STOX2: variants seen among roughly 807,000 people sequenced by gnomAD.
STOX2 encodes storkhead-box protein 2.
In STOX2, 28 loss-of-function variants were observed where a neutral mutation model predicts 60.9. The ratio of observed to expected loss-of-function variants is 0.46; its 90% CI spans 0.34 to 0.63. The LOEUF is 0.63. Ranked by LOEUF, STOX2 falls within the 30% of genes least tolerant of loss-of-function variation. The pLI is 0.01. For synonymous variants in STOX2, 472 were observed against 463.9 expected (o/e 1.02, Z -0.22); for missense variants, 1,024 against 1,187.7 (o/e 0.86, Z 2.03).
intron 1 of STOX2, among the ~76,000 whole-genome samples, chr4:183,930,651 C>T (rs1742396823): frequency 1.3e-5 from 2 of 152,164 alleles, no homozygotes; most frequent in Non-Finnish European, 1.5e-5. Context: ...AGCCATTGCT[C>T]TGGCCATAAC....
intron 1 of STOX2, among the ~76,000 whole-genome samples, chr4:183,878,700 C>T (rs1740885278): frequency 6.6e-6 from 1 of 152,200 alleles, no homozygotes; most frequent in African/African-American, 2.4e-5. Context: ...AGGACTCTGC[C>T]TTCTCAAAAG....
In STOX2 at chr4:183,800,846, G is replaced by A. The variant is rs531061971; in HGVS notation, c.364+2791G>A. ...GAAAGGAGAGGAACGGTTTTGCCCT[G>A]TCTCTTGACTTGGGTTCGCCTGGGT... On this transcript the variant is annotated intron_variant, in intron 1 of 2. Transcript: ENST00000513034. Among the ~76,000 whole-genome samples the A allele has an allele frequency of 3.3e-5, 5 of 152,342 alleles. No individual in the cohort carries two copies. The South Asian group carries it at 1.0e-3, about 32-fold the overall frequency.
intron 1 of STOX2, among the ~76,000 whole-genome samples, chr4:183,846,685 T>C (rs1739997966): frequency 6.6e-6 from 1 of 152,074 alleles, no homozygotes; most frequent in Non-Finnish European, 1.5e-5. Context: ...GCTTGTATAT[T>C]TTTTTCTTAA....
intron 1 of STOX2, among the ~76,000 whole-genome samples, chr4:183,802,036 G>T (rs1738775416): frequency 6.6e-6 from 1 of 152,188 alleles, no homozygotes; most frequent in South Asian, 2.1e-4. Flanking sequence ...CATTAGTCTG[G>T]TTGAGGCTGG....
At chr4:183,967,556 C>G (rs1247474943) in intron 1 of STOX2, among the ~76,000 whole-genome samples, 2 of 151,970 alleles carry the variant, frequency 1.3e-5, no homozygotes, top group East Asian at 3.9e-4. Context: ...CACTGGCCAC[C>G]CATGGGTGGT....
At position 184,001,321 on chromosome 4, in the gene STOX2, G is replaced by A; in HGVS notation, c.167-4G>A. 6 of 1,613,156 alleles carry A rather than the reference G, an allele frequency of 3.7e-6. No homozygotes were observed. Among genetic ancestry groups the A allele is most frequent in the Non-Finnish European group, 5.1e-6 (6 of 1,179,328 alleles). On this transcript the variant is annotated splice_region_variant and splice_polypyrimidine_tract_variant and intron_variant, in intron 1 of 3. Coordinates refer to ENST00000308497, the MANE Select transcript of STOX2 (RefSeq NM_020225.3). The surrounding 1 kb of genome is among the most constrained non-coding windows in gnomAD (Gnocchi z 4.2). ...CCACTCACTTGAAAATTGTCTTTCT[G>A]CAGGTGATGTATCACCCATCAGTAT...
At chr4:183,962,622 T>C (rs979036024) in intron 1 of STOX2, among the ~76,000 whole-genome samples, 2 of 152,200 alleles carry the variant, frequency 1.3e-5, no homozygotes, top group Admixed American at 6.5e-5. Flanking sequence ...TGACTTGTGA[T>C]TGATGTGAAG....
rs1733390133 is a variant in STOX2, at chr4:183,997,436, A to G, written c.167-3889A>G. On this transcript the variant is annotated intron_variant, in intron 1 of 3. Transcript: ENST00000308497. ...AGGCCACGTGGGCCCGTGTAGGCCT[A>G]CCAAGGAGTTCAGCTTCTCTTCTAA... Among the ~76,000 whole-genome samples, 3 of 152,356 alleles carry G rather than the reference A, an allele frequency of 2.0e-5. No homozygotes were observed. The Middle Eastern group carries it at 0.01, about 518-fold the overall frequency.
chr4:183,900,313 C>G (rs772198087), upstream of STOX2, among the ~76,000 whole-genome samples: 4 of 152,120 alleles, frequency 2.6e-5, no homozygotes, highest in Non-Finnish European at 5.9e-5. Flanking sequence ...TTTTGATTTT[C>G]AAGTCTCATT....
intron 1 of STOX2, among the ~76,000 whole-genome samples, chr4:183,935,092 C>T (rs144372013): frequency 7.7e-4 from 117 of 152,330 alleles, no homozygotes; most frequent in Non-Finnish European, 1.3e-3. Flanking sequence ...TTATTAAAGC[C>T]GGGGAAACAG....
chr4:183,972,526 C>T (rs544480294), intron 1 of STOX2, among the ~76,000 whole-genome samples: 64 of 152,334 alleles, frequency 4.2e-4, no homozygotes, highest in South Asian at 1.5e-3. Context: ...CTAGATCATA[C>T]AGGTCCCAGG....
intron 1 of STOX2, among the ~76,000 whole-genome samples, chr4:183,815,003 A>T (rs1739118355): frequency 6.6e-6 from 1 of 151,490 alleles, no homozygotes; most frequent in African/African-American, 2.4e-5. Context: ...ATTTTATTTT[A>T]TTTTATTTTT....
At chr4:183,907,070 G>C (rs1485110830) in intron 1 of STOX2, 114 bp downstream of exon 1, 8 of 907,958 alleles carry the variant, frequency 8.8e-6, no homozygotes, top group Middle Eastern at 2.7e-4. Context: ...GATAAGTTAT[G>C]GGGAAAGCAG....
At chr4:183,814,398 T>G (rs562971003) in intron 1 of STOX2, among the ~76,000 whole-genome samples, 4 of 152,298 alleles carry the variant, frequency 2.6e-5, no homozygotes, top group African/African-American at 7.2e-5. Context: ...CTTTGCCGAG[T>G]AATTTTCTCA....
At chr4:183,900,661 T>C (rs1741441526), upstream of STOX2, among the ~76,000 whole-genome samples, 1 of 152,108 alleles carries the variant, frequency 6.6e-6, no homozygotes, top group Admixed American at 6.5e-5. Context: ...TTACATTCAA[T>C]TTATTCTATT....
At position 183,823,033 on chromosome 4, in the gene STOX2, G is replaced by A. The variant is rs1444205811; in HGVS notation, c.364+24978G>A. On this transcript the variant is annotated intron_variant, in intron 1 of 2. Coordinates refer to the STOX2 transcript ENST00000513034. ...AACCTTCGGGTGCTCTTGAAAGCTTGTATGATCTACGTTTTTCTTTCAATA... is the reference window on the plus strand; with the variant it reads ...AACCTTCGGGTGCTCTTGAAAGCTTATATGATCTACGTTTTTCTTTCAATA... Among the ~76,000 whole-genome samples the A allele has an allele frequency of 2.6e-5, 4 of 152,204 alleles. No individual in the cohort carries two copies. The East Asian group carries it at 7.7e-4, about 29-fold the overall frequency.
At chr4:183,811,928 ATTT>A (rs529589265) in intron 1 of STOX2, among the ~76,000 whole-genome samples, 1 of 129,690 alleles carries the variant, frequency 7.7e-6, no homozygotes, top group East Asian at 2.3e-4. Context: ...GAAAGCCTGG[ATTT>A]TTTTTTTTTT....
chr4:183,874,701 C>T (rs961657740), intron 1 of STOX2, among the ~76,000 whole-genome samples: 11 of 150,918 alleles, frequency 7.3e-5, no homozygotes, highest in South Asian at 4.2e-4. Context: ...CCGAGGCGGG[C>T]GGATCACGAG....
At chr4:183,938,742 G>A (rs150078390) in intron 1 of STOX2, among the ~76,000 whole-genome samples, 19 of 150,232 alleles carry the variant, frequency 1.3e-4, no homozygotes, top group African/African-American at 3.9e-4. Flanking sequence ...TTGCTCCTGT[G>A]TGCCAACTTT....
Sources: gnomAD v4.1 joint callset for allele counts (sites outside exome capture counted in the v4.1 genomes callset) on GRCh38, gnomAD v4.1.1 for gene constraint, Gnocchi (gnomAD v3.1) non-coding constraint, MANE v1.5 for transcripts, NCBI Gene and HGNC (gene_info 2026-07-23, HGNC 2026-07-21) for gene names.